The following PCMT1 variants were observed in gnomAD, a reference collection of about 807,000 sequenced individuals.
PCMT1 encodes protein-L-isoaspartate(D-aspartate) O-methyltransferase.
Under a neutral mutation model 29.2 loss-of-function variants are expected in PCMT1, and 9 were observed. The observed-to-expected ratio is 0.31, with a 90% CI of 0.19 to 0.54. The LOEUF (loss-of-function observed/expected upper bound fraction) is 0.54, where lower values mean the gene tolerates loss of function less well. Among genes scored for constraint, PCMT1 ranks in the 20% least tolerant of loss-of-function variants. The pLI, the probability that PCMT1 is intolerant of heterozygous loss-of-function variation, is 0.95. For missense variants in PCMT1, 184 were observed against 282.2 expected (o/e 0.65, Z 2.49); for synonymous variants, 98 against 97.5 (o/e 1.00, Z -0.03).
chr6:149,800,241 G>A (rs972295075), intron 6 of PCMT1, among the ~76,000 whole-genome samples: 5 of 152,038 alleles, frequency 3.3e-5, no homozygotes, highest in African/African-American at 4.8e-5. Flanking sequence ...CGAGGAGAGC[G>A]GATCACTTGA....
chr6:149,786,640 T>G (rs2115299509), intron 3 of PCMT1, among the ~76,000 whole-genome samples: 2 of 139,988 alleles, frequency 1.4e-5, no homozygotes, highest in African/African-American at 2.7e-5. Flanking sequence ...CCAGACGGGG[T>G]CGCGGCCGGG....
intron 7 of PCMT1, among the ~76,000 whole-genome samples, chr6:149,803,302 A>G (rs1775902346): frequency 6.6e-6 from 1 of 152,088 alleles, no homozygotes; most frequent in Non-Finnish European, 1.5e-5. Flanking sequence ...ATTCTATAGA[A>G]TAGGCCAGCC....
At chr6:149,773,830 A>G (rs1002617080) in intron 3 of PCMT1, among the ~76,000 whole-genome samples, 8 of 152,264 alleles carry the variant, frequency 5.3e-5, no homozygotes, top group Non-Finnish European at 7.3e-5. Flanking sequence ...GACATTTTAT[A>G]GAAATCTCAA....
intron 2 of PCMT1, among the ~76,000 whole-genome samples, chr6:149,772,873 C>T (rs1381717990): frequency 4.0e-5 from 6 of 151,746 alleles, no homozygotes; most frequent in East Asian, 1.9e-4. Context: ...AAAAATTAGC[C>T]GGGCGTGGTG....
intron 1 of PCMT1, 189 bp downstream of exon 1, chr6:149,750,145 C>T: frequency 1.3e-6 from 1 of 765,272 alleles, no homozygotes; most frequent in Non-Finnish European, 2.0e-6. Flanking sequence ...CACTCGTCGA[C>T]GACGTGGACT....
At chr6:149,774,780 C>T (rs1239728041) in intron 3 of PCMT1, among the ~76,000 whole-genome samples, 2 of 146,426 alleles carry the variant, frequency 1.4e-5, no homozygotes, top group Non-Finnish European at 3.0e-5. Context: ...CATCTTGGCT[C>T]ACTGCAAGCT....
intron 7 of PCMT1, among the ~76,000 whole-genome samples, chr6:149,806,526 G>A (rs1260225297): frequency 6.6e-6 from 1 of 152,152 alleles, no homozygotes; most frequent in Admixed American, 6.5e-5. Flanking sequence ...AAGTTCCCTA[G>A]TCAACTTCTT....
At chr6:149,803,051 T>TC (rs1775890526) in intron 7 of PCMT1, among the ~76,000 whole-genome samples, 2 of 7,710 alleles carry the variant, frequency 2.6e-4, no homozygotes, top group Non-Finnish European at 5.9e-4. Context: ...AGGCTCTGTC[T>TC]CAAAAAAAAA....
chr6:149,777,870 T>TTTC (rs1398899062), intron 3 of PCMT1, among the ~76,000 whole-genome samples: 1 of 138,644 alleles, frequency 7.2e-6, no homozygotes, highest in Non-Finnish European at 1.5e-5. Context: ...CTTTCCTTCT[T>TTTC]TTCTTCTTTT....
At chr6:149,786,153 G>A (rs1401054038) in intron 3 of PCMT1, among the ~76,000 whole-genome samples, 1 of 103,298 alleles carries the variant, frequency 9.7e-6, no homozygotes, top group Admixed American at 9.5e-5. Context: ...GCGGCTGGCC[G>A]GGCGGGGGGC....
chr6:149,804,096 A>T (rs983332513), intron 7 of PCMT1, among the ~76,000 whole-genome samples: 1 of 151,528 alleles, frequency 6.6e-6, no homozygotes, highest in African/African-American at 2.4e-5. Context: ...AAAAAAAAAA[A>T]AAAAAAATTA....
chr6:149,790,913 A>C (rs992721381), intron 4 of PCMT1, among the ~76,000 whole-genome samples: 3 of 152,168 alleles, frequency 2.0e-5, no homozygotes, highest in African/African-American at 4.8e-5. Context: ...AGGCTGAGGC[A>C]GGAAAATCCC....
At chr6:149,784,457 T>G (rs767935804) in intron 3 of PCMT1, among the ~76,000 whole-genome samples, 1 of 152,080 alleles carries the variant, frequency 6.6e-6, no homozygotes, top group African/African-American at 2.4e-5. Context: ...TTACTAATCT[T>G]GTTTTATTTA....
chr6:149,806,528 C>G lies in PCMT1; in HGVS notation c.*38-4088C>G, dbSNP rs1266006332. Among the ~76,000 whole-genome samples, 6 of 152,146 alleles carry G rather than the reference C, an allele frequency of 3.9e-5. No homozygotes were observed. The East Asian group carries it at 7.7e-4, about 20-fold the overall frequency. ...ATTATCATCTAAAAAGTTCCCTAGT[C>G]AACTTCTTGCCAGGCTACGTGATTT... On this transcript the variant is annotated intron_variant, in intron 7 of 7. Transcript: ENST00000464889.
intron 1 of PCMT1, among the ~76,000 whole-genome samples, chr6:149,755,524 G>T (rs1786472168): frequency 1.3e-5 from 2 of 152,078 alleles, no homozygotes; most frequent in Admixed American, 1.3e-4. Flanking sequence ...CGTATTTCCT[G>T]TGGGTAAAGG....
chr6:149,758,208 C>CTTTTTTTTTTTTT (rs756014067), intron 1 of PCMT1, among the ~76,000 whole-genome samples: 25 of 73,894 alleles, frequency 3.4e-4, no homozygotes, highest in African/African-American at 8.5e-4. Context: ...TTCTTTCTTT[C>CTTTTTTTTTTTTT]TTTTTTTTTT....
chr6:149,797,129 A>G (rs1788650351), intron 6 of PCMT1: 1 of 152,112 alleles, frequency 6.6e-6, no homozygotes, highest in Non-Finnish European at 1.5e-5. Context: ...GATGTTTTTT[A>G]AATAGCAGAA....
At chr6:149,767,344 G>A (rs531857209) in intron 1 of PCMT1, among the ~76,000 whole-genome samples, 2 of 151,658 alleles carry the variant, frequency 1.3e-5, no homozygotes, top group East Asian at 3.9e-4. Flanking sequence ...ATAGGCATGA[G>A]TCACCGCACC....
chr6:149,751,913 C>G (rs1786336468), intron 1 of PCMT1, among the ~76,000 whole-genome samples: 1 of 151,648 alleles, frequency 6.6e-6, no homozygotes, highest in South Asian at 2.1e-4. Context: ...TTCACTGTCA[C>G]CCAGGTTGGA....
Sources: gnomAD v4.1 joint callset for allele counts (sites outside exome capture counted in the v4.1 genomes callset) on GRCh38, gnomAD v4.1.1 for gene constraint, MANE v1.5 for transcripts, NCBI Gene and HGNC (gene_info 2026-07-23, HGNC 2026-07-21) for gene names.